AMMECR1: variants seen among roughly 807,000 people sequenced by gnomAD.
The protein encoded by AMMECR1 is AMMECR nuclear protein 1.
In AMMECR1, 3 loss-of-function variants were observed where a neutral mutation model predicts 22.5. The observed-to-expected ratio is 0.13, with a 90% confidence interval of 0.06 to 0.35. AMMECR1 has a LOEUF of 0.35. AMMECR1 is among the 10% of genes least tolerant of loss of function. The probability of loss-of-function intolerance (pLI) is 1.00; values close to 1 mark genes in which losing one functional copy is unlikely to be tolerated. For missense variants in AMMECR1, 235 were observed against 278.7 expected (o/e 0.84, Z 1.12); for synonymous variants, 130 against 116.7 (o/e 1.11, Z -0.74).
intron 2 of AMMECR1, among the ~76,000 whole-genome samples, chrX:110,343,417 C>T (rs2068173552): frequency 9.0e-6 from 1 of 111,362 alleles, no homozygotes; most frequent in Admixed American, 9.6e-5. Flanking sequence ...GAAGCATTCC[C>T]TTTGAAAACT....
At chrX:110,340,960 C>G (rs1380503550) in intron 2 of AMMECR1, among the ~76,000 whole-genome samples, 1 of 112,517 alleles carries the variant, frequency 8.9e-6, no homozygotes, top group African/African-American at 3.2e-5. Flanking sequence ...CCAGCACAGA[C>G]CTTTCTACAT....
Position 110,246,668 on chromosome X carries a change from G to A in AMMECR1, c.584+17821C>T, listed in dbSNP as rs139057021. Among the ~76,000 whole-genome samples the A allele has an allele frequency of 5.9e-3, 657 of 112,157 alleles. 3 individuals carry two copies. The highest frequency in any genetic ancestry group is 0.02 in the African/African-American group (607 of 30,857). On this transcript the variant is annotated intron_variant, in intron 2 of 5. Coordinates refer to ENST00000262844, the MANE Select transcript of AMMECR1 (RefSeq NM_015365.3). Reference sequence around the variant, plus strand: ...AGACAATCATGTAAGAAACTACATTGGAAGGCAAGATAAAGCAAGTGCTGT... The same window carrying A: ...AGACAATCATGTAAGAAACTACATTAGAAGGCAAGATAAAGCAAGTGCTGT...
At chrX:110,299,775 T>C (rs1222351449) in intron 1 of AMMECR1, among the ~76,000 whole-genome samples, 1 of 112,152 alleles carries the variant, frequency 8.9e-6, no homozygotes, top group Non-Finnish European at 1.9e-5. Context: ...AGACTTCACA[T>C]AAAAAGTGAG....
chrX:110,231,226 G>T (rs1426354559), intron 2 of AMMECR1, among the ~76,000 whole-genome samples: 1 of 111,950 alleles, frequency 8.9e-6, no homozygotes, highest in Non-Finnish European at 1.9e-5. Flanking sequence ...ACACATAATT[G>T]TCAGATTCAC....
At chrX:110,353,982 G>GT (rs1170538838) in intron 2 of AMMECR1, among the ~76,000 whole-genome samples, 1 of 112,177 alleles carries the variant, frequency 8.9e-6, no homozygotes, top group East Asian at 2.8e-4. Flanking sequence ...GATCTGTATA[G>GT]TAAAAACTAT....
In AMMECR1 at chrX:110,346,649, A is replaced by C. The variant is rs963248327; in HGVS notation, c.-147-28800T>G. ...CAGGCTTCAAATGTATCTCTCTTGA[A>C]TATTCACTGGATCATAAGAAGTGGT... On this transcript the variant is annotated intron_variant, in intron 2 of 7. Transcript: ENST00000372057. The C allele has an allele frequency of 2.1e-5, 12 of 566,617 alleles. No homozygotes were observed. The African/African-American group carries it at 2.2e-4, about 11-fold the overall frequency. 46.7% of individuals were successfully genotyped at this position (566,617 alleles called of 1,213,427 possible).
At chrX:110,358,241 A>T in intron 2 of AMMECR1, among the ~76,000 whole-genome samples, 1 of 111,472 alleles carries the variant, frequency 9.0e-6, no homozygotes, top group Non-Finnish European at 1.9e-5. Context: ...TGTAAAATGC[A>T]GAGTGTTGTC....
rs755483656 is a variant in AMMECR1 at position 110,378,008 on chromosome X, C to CAAAAAAAAAA, written c.-148+48640_-148+48649dup. Among the ~76,000 whole-genome samples the CAAAAAAAAAA allele has an allele frequency of 4.3e-3, 134 of 30,936 alleles. 10 individuals are homozygous for CAAAAAAAAAA. The highest frequency in any genetic ancestry group is 0.018 in the African/African-American group (128 of 7,233). 26.9% of individuals were successfully genotyped at this position (30,936 alleles called of 115,157 possible). ...TGGGCGACAGAGCGAGACTCCGTCT[C>CAAAAAAAAAA]AAAAAAAAAAAAAAAAAAAAAAAAT... On this transcript the variant is annotated intron_variant, in intron 2 of 7. Transcript: ENST00000372057.
At chrX:110,229,711 A>C (rs890579727) in intron 2 of AMMECR1, among the ~76,000 whole-genome samples, 1 of 111,814 alleles carries the variant, frequency 8.9e-6, no homozygotes, top group African/African-American at 3.3e-5. Context: ...GCGTTGACTC[A>C]CCCGGGAAGC....
intron 2 of AMMECR1, among the ~76,000 whole-genome samples, chrX:110,394,599 C>T: frequency 8.9e-6 from 1 of 112,601 alleles, no homozygotes; most frequent in Non-Finnish European, 1.9e-5. Context: ...CACTTAAAGT[C>T]CAGTTCCCAA....
chrX:110,234,138 T>C (rs1180423662), intron 2 of AMMECR1, among the ~76,000 whole-genome samples: 3 of 112,186 alleles, frequency 2.7e-5, no homozygotes, highest in Non-Finnish European at 3.8e-5. Context: ...AGTCTCAGGA[T>C]ACAAAATCAA....
rs758911495 is a variant in AMMECR1, at chrX:110,196,927, A to G, written c.*1593T>C. On this transcript the variant is annotated 3_prime_UTR_variant, in exon 6 of 6. Transcript: ENST00000262844. ...TGACTTTTTTGTAGTTTTAGAATATATATTCTGCAGCATACTTTAATTCAT... is the reference window on the plus strand; with the variant it reads ...TGACTTTTTTGTAGTTTTAGAATATGTATTCTGCAGCATACTTTAATTCAT... 6 of 112,381 alleles carry G rather than the reference A, an allele frequency of 5.3e-5. No homozygotes were observed. The highest frequency in any genetic ancestry group is 7.5e-5 in the Non-Finnish European group (4 of 53,201). The allele number at this position is 112,381 out of a possible 1,213,427, so 9.3% of individuals were successfully genotyped here.
At chrX:110,302,165 T>G (rs764171) in intron 1 of AMMECR1, among the ~76,000 whole-genome samples, 2 of 111,331 alleles carry the variant, frequency 1.8e-5, no homozygotes, top group South Asian at 7.5e-4. Context: ...AAAGATACCT[T>G]CTTTCAGGTA....
chrX:110,431,323 CTG>C (rs759432836), intron 1 of AMMECR1, among the ~76,000 whole-genome samples: 167 of 94,516 alleles, frequency 1.8e-3, no homozygotes, highest in Admixed American at 3.6e-3. Context: ...GAGGGGAAGG[CTG>C]TGTGTGTGTG....
intron 2 of AMMECR1, among the ~76,000 whole-genome samples, chrX:110,323,371 A>G (rs2068086336): frequency 8.9e-6 from 1 of 112,281 alleles, no homozygotes; most frequent in African/African-American, 3.2e-5. Context: ...ACCCCAAAAA[A>G]GATACCCCAT....
At chrX:110,274,281 G>A (rs1440913741) in intron 1 of AMMECR1, among the ~76,000 whole-genome samples, 3 of 111,906 alleles carry the variant, frequency 2.7e-5, no homozygotes, top group Non-Finnish European at 5.7e-5. Context: ...TGGTAGTATT[G>A]ATCATGTTTT....
At chrX:110,382,787 C>T (rs1262081228) in intron 2 of AMMECR1, among the ~76,000 whole-genome samples, 1 of 112,084 alleles carries the variant, frequency 8.9e-6, no homozygotes, top group African/African-American at 3.2e-5. Context: ...TTTCCACTCA[C>T]GGGGCCACTG....
Position 110,358,624 on chromosome X carries a change from T to C in AMMECR1, c.-147-40775A>G, listed in dbSNP as rs1219842062. 2.7e-5 allele frequency among the ~76,000 whole-genome samples: 3 copies of C among 111,966 alleles called. No homozygotes were observed. In the East Asian group the frequency reaches 8.5e-4, roughly 32 times the overall value. ...TTGCTTGATTACAAAGCCATTGCTCTAAAAGATTAGATTATACTGTCTGTA... is the reference window on the plus strand; with the variant it reads ...TTGCTTGATTACAAAGCCATTGCTCCAAAAGATTAGATTATACTGTCTGTA... On this transcript the variant is annotated intron_variant, in intron 2 of 7. Coordinates refer to the AMMECR1 transcript ENST00000372057.
intron 2 of AMMECR1, among the ~76,000 whole-genome samples, chrX:110,409,646 GT>G (rs113947141): frequency 4.8e-4 from 49 of 101,159 alleles, no homozygotes; most frequent in East Asian, 9.3e-4. Flanking sequence ...TGCTGCTGCT[GT>G]TTTTTTTTTT....
Sources: gnomAD v4.1 joint callset for allele counts (sites outside exome capture counted in the v4.1 genomes callset) on GRCh38, gnomAD v4.1.1 for gene constraint, MANE v1.5 for transcripts, NCBI Gene and HGNC (gene_info 2026-07-23, HGNC 2026-07-21) for gene names.